Variants in PCDHA11 observed in about 807,000 individuals in gnomAD.
PCDHA11 encodes the protein protocadherin alpha 11.
In PCDHA11, 61 loss-of-function variants were observed where a neutral mutation model predicts 70.3. The observed-to-expected ratio is 0.87, with a 90% CI of 0.71 to 1.07. The LOEUF is 1.07. PCDHA11 is among the 50% of genes least tolerant of loss of function. The pLI, the probability that PCDHA11 is intolerant of heterozygous loss-of-function variation, is 0.00. For synonymous variants in PCDHA11, 633 were observed against 555.1 expected, an observed-to-expected ratio of 1.14 and a Z score of -1.97; for missense variants, 1,324 against 1,237.5, an observed-to-expected ratio of 1.07 and a Z score of -1.05.
At chr5:140,932,066 G>C (rs1196454003) in intron 1 of PCDHA11, among the ~76,000 whole-genome samples, 1 of 151,752 alleles carries the variant, frequency 6.6e-6, no homozygotes, top group Non-Finnish European at 1.5e-5. Flanking sequence ...AAAATTATCA[G>C]TTTAAGAAAT....
chr5:140,870,145 G>A lies in PCDHA11; in HGVS notation c.1042G>A (p.Glu348Lys). ...CTTGGACACCAACGATAACTCTCCT[G>A]AAGTCGCCGTGACTTCCTTGTCCCT... is the stretch of plus-strand genomic sequence containing the variant. ...EILDTNDNSPEVAVTSLSLPV... is the reference protein window; with the variant it reads ...EILDTNDNSPKVAVTSLSLPV... The change falls in exon 1 of 4, where the codon GAA (glutamate) becomes AAA (lysine). Residue 348 changes from glutamate to lysine, a missense_variant. Glu to Lys is a moderately conservative substitution (Grantham distance 56). Transcript: ENST00000398640. The A allele has an allele frequency of 6.2e-7, 1 of 1,614,088 alleles. No homozygotes were observed. Among genetic ancestry groups the A allele is most frequent in the Non-Finnish European group, 8.5e-7 (1 of 1,180,004 alleles).
At chr5:140,884,833 C>G in intron 1 of PCDHA11, 1 of 916,634 alleles carries the variant, frequency 1.1e-6, no homozygotes, top group Non-Finnish European at 1.5e-6. Context: ...GTTGGATTAT[C>G]CTTCAGAGTG....
chr5:140,894,484 T>C (rs2064498102), intron 1 of PCDHA11, among the ~76,000 whole-genome samples: 1 of 152,002 alleles, frequency 6.6e-6, no homozygotes, highest in Admixed American at 6.5e-5. Flanking sequence ...TTTCATCTTA[T>C]AGTTTTCTTT....
chr5:140,954,895 A>G (rs782412576), intron 1 of PCDHA11, among the ~76,000 whole-genome samples: 66 of 152,096 alleles, frequency 4.3e-4, no homozygotes, highest in African/African-American at 1.4e-3. Context: ...TAGGGTTTTT[A>G]TAGTTTCATA....
chr5:140,869,561 C>G lies in PCDHA11; in HGVS notation c.458C>G (p.Pro153Arg). ...AESKQSDSRF[P>R]LEGASDADIE... ...TCTAAGCAATCGGACTCGCGTTTTC[C>G]ACTAGAGGGAGCTTCTGATGCTGAC... Residue 153 changes from proline (P) to arginine (R), a missense_variant, in exon 1 of 4, where the codon CCA (proline) becomes CGA (arginine). Transcript: ENST00000398640. 6.2e-7 allele frequency: 1 copy of G among 1,614,150 alleles called. No individual in the cohort carries two copies. Among genetic ancestry groups the G allele is most frequent in the Non-Finnish European group, 8.5e-7 (1 of 1,180,036 alleles).
rs1160767102 is a variant in PCDHA11, at chr5:140,964,322, A to G, written c.2392-14627A>G. On this transcript the variant is annotated intron_variant, in intron 1 of 3. Coordinates refer to ENST00000398640, the MANE Select transcript of PCDHA11 (RefSeq NM_018902.5). ...TACCTACAAGGCCTAAAACAGCATA[A>G]TGGACAACCTGGCAGGTGTCCTTGC... Among the ~76,000 whole-genome samples the G allele has an allele frequency of 2.0e-5, 3 of 152,346 alleles. No individual in the cohort carries two copies. The East Asian group carries it at 5.8e-4, about 29-fold the overall frequency.
chr5:140,967,876 G>T, intron 1 of PCDHA11: 1 of 1,614,144 alleles, frequency 6.2e-7, no homozygotes, highest in Non-Finnish European at 8.5e-7. Context: ...TCACGGACCT[G>T]TATAGCCCAG....
chr5:140,904,150 C>A (rs1005130566), intron 1 of PCDHA11, among the ~76,000 whole-genome samples: 1 of 152,036 alleles, frequency 6.6e-6, no homozygotes, highest in African/African-American at 2.4e-5. Flanking sequence ...GTATACATTG[C>A]ACCCAGTTTG....
At chr5:140,891,838 A>G (rs1479578181) in intron 1 of PCDHA11, among the ~76,000 whole-genome samples, 1 of 152,164 alleles carries the variant, frequency 6.6e-6, no homozygotes, top group African/African-American at 2.4e-5. Context: ...AAAGGACTTG[A>G]TGGAAGGAGC....
intron 1 of PCDHA11, among the ~76,000 whole-genome samples, chr5:140,933,130 A>G (rs2088870055): frequency 6.6e-6 from 1 of 151,994 alleles, no homozygotes; most frequent in Non-Finnish European, 1.5e-5. Context: ...CTAAATAATA[A>G]AGGTAGATAG....
At chr5:140,875,951 C>A (rs1292449525) in intron 1 of PCDHA11, 2 of 1,614,116 alleles carry the variant, frequency 1.2e-6, no homozygotes, top group East Asian at 2.2e-5. Flanking sequence ...GCTTCTGATG[C>A]GGATATCGGC....
At chr5:140,991,640 T>C (rs1315335320) in intron 3 of PCDHA11, among the ~76,000 whole-genome samples, 1 of 152,194 alleles carries the variant, frequency 6.6e-6, no homozygotes, top group Non-Finnish European at 1.5e-5. Flanking sequence ...AACAATCTGT[T>C]CATGACAATT....
At position 140,910,974 on chromosome 5, in the gene PCDHA11, T is replaced by G. The variant is rs114099897; in HGVS notation, c.2391+39480T>G. Among the ~76,000 whole-genome samples the G allele has an allele frequency of 8.0e-3, 1,211 of 152,160 alleles. 6 individuals carry two copies. The highest frequency in any genetic ancestry group is 0.019 in the African/African-American group (781 of 41,520). On this transcript the variant is annotated intron_variant, in intron 1 of 3. Coordinates refer to ENST00000398640, the MANE Select transcript of PCDHA11 (RefSeq NM_018902.5). ...CGAGTGTAGCACACCTCCTCATGGG[T>G]TATACTCTGAACCTCACCCCTAGGG...
intron 3 of PCDHA11, among the ~76,000 whole-genome samples, chr5:140,993,468 A>T (rs1327306188): frequency 7.2e-5 from 5 of 69,412 alleles, no homozygotes; most frequent in Non-Finnish European, 1.2e-4. Flanking sequence ...TTTCTCACAC[A>T]CACACACACA....
intron 1 of PCDHA11, among the ~76,000 whole-genome samples, chr5:140,977,103 G>A (rs1159604551): frequency 6.6e-6 from 1 of 152,230 alleles, no homozygotes; most frequent in Non-Finnish European, 1.5e-5. Context: ...TTGGGGAAGT[G>A]AGATTGTATA....
At chr5:140,902,989 T>G (rs1350698990) in intron 1 of PCDHA11, among the ~76,000 whole-genome samples, 1 of 152,238 alleles carries the variant, frequency 6.6e-6, no homozygotes, top group East Asian at 1.9e-4. Context: ...GGTTCCATAT[T>G]TTTGCAATTG....
chr5:140,887,385 C>T (rs1015937560), intron 1 of PCDHA11, among the ~76,000 whole-genome samples: 3 of 152,124 alleles, frequency 2.0e-5, no homozygotes, highest in Admixed American at 6.5e-5. Context: ...TGTGAGCCAC[C>T]GCGCCCGGCT....
rs200717410 is a variant in PCDHA11, at chr5:140,869,178, G to A, written c.75G>A (p.Glu25=). 168 of 1,613,870 alleles carry A rather than the reference G, an allele frequency of 1.0e-4. No homozygotes were observed. The highest frequency in any genetic ancestry group is 1.3e-4 in the Non-Finnish European group (156 of 1,179,918). The change falls in exon 1 of 4, where the codon GAG becomes GAA. Residue 25 remains glutamate (E), a synonymous_variant. Coordinates refer to ENST00000398640, the MANE Select transcript of PCDHA11 (RefSeq NM_018902.5). ...QLWLLLLEFW[E]VGSGQLHYSV... Reference sequence around the variant, plus strand: ...GGCTTCTCCTCCTCGAATTCTGGGAGGTGGGGAGCGGCCAGCTCCACTACT... The same window carrying A: ...GGCTTCTCCTCCTCGAATTCTGGGAAGTGGGGAGCGGCCAGCTCCACTACT...
intron 1 of PCDHA11, among the ~76,000 whole-genome samples, chr5:140,901,935 GTA>G (rs200320249): frequency 0.011 from 1,607 of 151,762 alleles, 16 homozygotes; most frequent in African/African-American, 0.028. Context: ...TAATTCCTAG[GTA>G]TATTTAGTTT....
Sources: gnomAD v4.1 joint callset for allele counts (sites outside exome capture counted in the v4.1 genomes callset) on GRCh38, gnomAD v4.1.1 for gene constraint, MANE v1.5 for transcripts, NCBI Gene and HGNC (gene_info 2026-07-23, HGNC 2026-07-21) for gene names.